The following MITF variants were observed in gnomAD, a reference collection of about 807,000 sequenced individuals.
MITF encodes the protein melanocyte inducing transcription factor.
MITF carries 17 observed loss-of-function variants against 60.5 expected under a neutral mutation model. The ratio of observed to expected loss-of-function variants is 0.28; its 90% CI spans 0.19 to 0.42. The LOEUF is 0.42. MITF is among the 10% of genes least tolerant of loss of function. The probability of loss-of-function intolerance (pLI) is 1.00; values close to 1 mark genes in which losing one functional copy is unlikely to be tolerated. For synonymous variants in MITF, 260 were observed against 248.5 expected, an observed-to-expected ratio of 1.05 and a Z score of -0.43; for missense variants, 622 against 683.5, an observed-to-expected ratio of 0.91 and a Z score of 1.00.
At chr3:69,855,559 AT>A (rs34422846) in intron 1 of MITF, among the ~76,000 whole-genome samples, 4 of 150,200 alleles carry the variant, frequency 2.7e-5, no homozygotes, top group African/African-American at 4.9e-5. Flanking sequence ...TTGTGTAATG[AT>A]TTTTTTTTTC....
chr3:69,747,970 C>A (rs1309182144), intron 1 of MITF, among the ~76,000 whole-genome samples: 2 of 152,166 alleles, frequency 1.3e-5, no homozygotes, highest in East Asian at 3.9e-4. Flanking sequence ...CTACCACGAA[C>A]AAATAACCAG....
intron 1 of MITF, among the ~76,000 whole-genome samples, chr3:69,771,372 A>C (rs1185934870): frequency 6.6e-6 from 1 of 152,158 alleles, no homozygotes; most frequent in Non-Finnish European, 1.5e-5. Context: ...GTATTTGCTT[A>C]AATGACTTTA....
At chr3:69,879,637 T>A (rs2064437742) in intron 2 of MITF, among the ~76,000 whole-genome samples, 1 of 152,220 alleles carries the variant, frequency 6.6e-6, no homozygotes, top group South Asian at 2.1e-4. Flanking sequence ...GAATACATGT[T>A]TGTTGTGATG....
intron 1 of MITF, among the ~76,000 whole-genome samples, chr3:69,775,509 C>T (rs1285340448): frequency 6.6e-6 from 1 of 152,132 alleles, no homozygotes; most frequent in Non-Finnish European, 1.5e-5. Context: ...AACCAAAACC[C>T]AATGATACAC....
chr3:69,822,164 A>G (rs2063286249), intron 1 of MITF, among the ~76,000 whole-genome samples: 1 of 152,226 alleles, frequency 6.6e-6, no homozygotes, highest in Non-Finnish European at 1.5e-5. Flanking sequence ...GCCTGTCAGC[A>G]TCTTCATGGA....
intron 1 of MITF, among the ~76,000 whole-genome samples, chr3:69,801,478 T>C (rs548084882): frequency 6.6e-6 from 1 of 152,296 alleles, no homozygotes; most frequent in East Asian, 1.9e-4. Context: ...ATACTTTATT[T>C]GTGGTCTCTG....
chr3:69,888,825 C>T (rs1453671397), intron 2 of MITF, among the ~76,000 whole-genome samples: 1 of 151,902 alleles, frequency 6.6e-6, no homozygotes, highest in African/African-American at 2.4e-5. Flanking sequence ...CCTTTTGCCC[C>T]ATTCAGCATT....
chr3:69,858,232 G>A (rs1269338597), intron 1 of MITF, among the ~76,000 whole-genome samples: 1 of 152,096 alleles, frequency 6.6e-6, no homozygotes, highest in Non-Finnish European at 1.5e-5. Flanking sequence ...GTGTCAATTA[G>A]ATGCAGAAAG....
At chr3:69,922,329 C>G (rs544349659) in intron 2 of MITF, among the ~76,000 whole-genome samples, 45 of 152,224 alleles carry the variant, frequency 3.0e-4, no homozygotes, top group Admixed American at 9.2e-4. Context: ...TCAGGTGATT[C>G]TCCTGCCTCA....
intron 2 of MITF, among the ~76,000 whole-genome samples, chr3:69,880,055 G>A (rs1390718932): frequency 6.6e-6 from 1 of 152,174 alleles, no homozygotes; most frequent in Admixed American, 6.5e-5. Context: ...CACATAGGGA[G>A]ATACTCCTTG....
chr3:69,809,958 C>T (rs1297052117), intron 1 of MITF, among the ~76,000 whole-genome samples: 1 of 152,172 alleles, frequency 6.6e-6, no homozygotes, highest in African/African-American at 2.4e-5. Flanking sequence ...CTAGTTTATA[C>T]TTAGAGATTC....
Position 69,806,250 on chromosome 3 carries a change from A to G in MITF, c.104+66549A>G, listed in dbSNP as rs140462485. Among the ~76,000 whole-genome samples the G allele has an allele frequency of 6.6e-3, 1,009 of 151,846 alleles. 9 individuals are homozygous for G. The highest frequency in any genetic ancestry group is 0.023 in the African/African-American group (950 of 41,398). The stretch of plus-strand genomic sequence containing the variant: ...CAGGTACCCACCACTATGCCTGGCT[A>G]ATTTTTGTATTTTTTTGGTAGAGAC... On this transcript the variant is annotated intron_variant, in intron 1 of 9. Transcript: ENST00000352241.
chr3:69,950,393 A>C (rs1196086059), intron 6 of MITF, among the ~76,000 whole-genome samples: 3 of 151,192 alleles, frequency 2.0e-5, no homozygotes, highest in African/African-American at 7.3e-5. Flanking sequence ...GAGGAAAAAA[A>C]AACTAGAAAA....
At chr3:69,779,764 A>C (rs1028260797) in intron 1 of MITF, among the ~76,000 whole-genome samples, 3 of 152,202 alleles carry the variant, frequency 2.0e-5, no homozygotes, top group African/African-American at 7.2e-5. Flanking sequence ...AGTTGTGAGA[A>C]GTACTGAGAT....
intron 1 of MITF, among the ~76,000 whole-genome samples, chr3:69,743,647 C>T (rs889556077): frequency 6.6e-6 from 1 of 152,136 alleles, no homozygotes; most frequent in Non-Finnish European, 1.5e-5. Flanking sequence ...GTTTGCACAC[C>T]GTTTCCTCCG....
chr3:69,945,058 ACTATT>A (rs1484575071), intron 5 of MITF, among the ~76,000 whole-genome samples: 1 of 152,156 alleles, frequency 6.6e-6, no homozygotes, highest in East Asian at 1.9e-4. Flanking sequence ...TCTAGAAATA[ACTATT>A]CTGAGAGCAC....
chr3:69,749,298 A>G (rs1703841906), intron 1 of MITF, among the ~76,000 whole-genome samples: 1 of 152,204 alleles, frequency 6.6e-6, no homozygotes, highest in Non-Finnish European at 1.5e-5. Flanking sequence ...CCCTTCCATC[A>G]AAAGGACTAG....
chr3:69,802,230 G>C (rs1027766819), intron 1 of MITF, among the ~76,000 whole-genome samples: 1 of 152,110 alleles, frequency 6.6e-6, no homozygotes, highest in Non-Finnish European at 1.5e-5. Flanking sequence ...CCTGGGTATA[G>C]GCCAGGGGTG....
intron 1 of MITF, among the ~76,000 whole-genome samples, chr3:69,754,186 G>C (rs1559609931): frequency 6.6e-6 from 1 of 151,816 alleles, no homozygotes; most frequent in Non-Finnish European, 1.5e-5. Flanking sequence ...TGATTCTTAT[G>C]AGTGTGGCAC....
Sources: allele counts gnomAD v4.1 joint callset (sites outside exome capture counted in the v4.1 genomes callset), GRCh38; gene constraint gnomAD v4.1.1; transcripts MANE v1.5; gene names NCBI Gene and HGNC (gene_info 2026-07-23, HGNC 2026-07-21).